Variants in GPR19 observed in about 807,000 individuals in gnomAD.
GPR19 encodes the protein probable G protein-coupled receptor 19.
GPR19 carries 14 observed loss-of-function variants against 28.5 expected under a neutral mutation model. The ratio of observed to expected loss-of-function variants is 0.49; its 90% CI spans 0.32 to 0.77. The LOEUF is 0.77. Among genes scored for constraint, GPR19 ranks in the 30% least tolerant of loss-of-function variants. The probability of loss-of-function intolerance (pLI) is 0.03; values close to 1 mark genes in which losing one functional copy is unlikely to be tolerated. For synonymous variants in GPR19, 173 were observed against 184.1 expected, an observed-to-expected ratio of 0.94 and a Z score of 0.49; for missense variants, 409 against 504.1, an observed-to-expected ratio of 0.81 and a Z score of 1.81.
intron 3 of GPR19, among the ~76,000 whole-genome samples, chr12:12,670,838 G>A (rs1049629423): frequency 6.6e-6 from 1 of 151,350 alleles, no homozygotes; most frequent in African/African-American, 2.4e-5. Flanking sequence ...TTACAACAAT[G>A]TTTTTAAGGG....
At chr12:12,685,357 A>T (rs1946080326) in intron 2 of GPR19, among the ~76,000 whole-genome samples, 1 of 151,782 alleles carries the variant, frequency 6.6e-6, no homozygotes, top group Admixed American at 6.6e-5. Context: ...AACCACAGAA[A>T]CACATAGGAA....
In GPR19 at chr12:12,662,444, A is replaced by G. The variant is rs776250205; in HGVS notation, c.5T>C (p.Val2Ala). The change falls in exon 4 of 4, where the codon GTT (valine) becomes GCT (alanine). Residue 2 changes from valine (V) to alanine (A), a missense_variant. Coordinates refer to ENST00000651487, the MANE Select transcript of GPR19 (RefSeq NM_006143.3). ...GCTGTTATCCATTCTGTGAGCAAAA[A>G]CCATATTCACTTTTTTTCTCTTAAT... M[V>A]FAHRMDNSKP... The G allele has an allele frequency of 3.1e-6, 5 of 1,612,212 alleles. No individual in the cohort carries two copies. The South Asian group carries it at 5.5e-5, about 18-fold the overall frequency.
chr12:12,709,714 T>C, the GPR19 span, among the ~76,000 whole-genome samples: 2 of 152,322 alleles, frequency 1.3e-5, no homozygotes, highest in Non-Finnish European at 2.9e-5. Flanking sequence ...GTTGGGATTA[T>C]GGGCATGAGC....
rs199934623 is a variant in GPR19 at position 12,662,211 on chromosome 12, T to C, written c.238A>G (p.Ile80Val). 160 of 1,614,184 alleles carry C rather than the reference T, an allele frequency of 9.9e-5. No individual in the cohort carries two copies. The East Asian group carries it at 3.2e-3, about 32-fold the overall frequency. The change falls in exon 4 of 4, where the codon ATC becomes GTC. Residue 80 changes from isoleucine to valine, a missense_variant. Transcript: ENST00000651487. ...IFFGILWLFS[I>V]FGNSLVCLVI... The stretch of plus-strand genomic sequence containing the variant: ...AAACAAACCAGGGAATTGCCGAAGA[T>C]AGAAAACAACCACAGAATCCCAAAG...
At chr12:12,693,779 C>T (rs1797618563) in intron 2 of GPR19, among the ~76,000 whole-genome samples, 1 of 151,754 alleles carries the variant, frequency 6.6e-6, no homozygotes, top group East Asian at 1.9e-4. Context: ...CTCGGCTGAC[C>T]GCAACCTCTG....
chr12:12,686,692 G>C (rs1784947593), intron 2 of GPR19, among the ~76,000 whole-genome samples: 1 of 152,166 alleles, frequency 6.6e-6, no homozygotes, highest in South Asian at 2.1e-4. Context: ...TCAGCCTCCA[G>C]AGCAGGCATA....
intron 3 of GPR19, among the ~76,000 whole-genome samples, chr12:12,682,113 C>T (rs556216290): frequency 5.3e-5 from 8 of 152,262 alleles, no homozygotes; most frequent in South Asian, 2.1e-4. Flanking sequence ...ACTGTTTCAA[C>T]GCTGGGAGAT....
chr12:12,691,015 G>A (rs985664855), intron 2 of GPR19, among the ~76,000 whole-genome samples: 1 of 152,136 alleles, frequency 6.6e-6, no homozygotes, highest in Non-Finnish European at 1.5e-5. Flanking sequence ...GAAGTAGTGG[G>A]TTTTGATTGA....
In GPR19 at chr12:12,661,184, A is replaced by G; in HGVS notation, c.*17T>C. On this transcript the variant is annotated 3_prime_UTR_variant, in exon 4 of 4. Transcript: ENST00000651487. This position sits in a 1 kb window ranked among gnomAD's most constrained non-coding sequence, Gnocchi z 4.2. The stretch of plus-strand genomic sequence containing the variant: ...GCTTTTTAATCTCTGGTGCATAACA[A>G]TTGAAAGAATGAGAACTTAGACAAA... 1.9e-6 allele frequency: 3 copies of G among 1,565,088 alleles called. No individual in the cohort carries two copies. Among genetic ancestry groups the G allele is most frequent in the Non-Finnish European group, 2.6e-6 (3 of 1,151,092 alleles).
the GPR19 span, among the ~76,000 whole-genome samples, chr12:12,713,995 C>T: frequency 6.6e-6 from 1 of 152,220 alleles, no homozygotes; most frequent in Admixed American, 6.5e-5. Flanking sequence ...TCTGTCTCCT[C>T]TCCCCTTTTT....
chr12:12,680,901 C>G (rs1470492168), intron 3 of GPR19, among the ~76,000 whole-genome samples: 1 of 152,128 alleles, frequency 6.6e-6, no homozygotes, highest in Non-Finnish European at 1.5e-5. Flanking sequence ...GTTGGCCAGG[C>G]TGGCCTAGAA....
At chr12:12,711,030 G>A in the GPR19 span, among the ~76,000 whole-genome samples, 5 of 152,128 alleles carry the variant, frequency 3.3e-5, no homozygotes, top group African/African-American at 1.2e-4. Flanking sequence ...GTGGGCCGGT[G>A]TGGTAGCTCA....
intron 3 of GPR19, among the ~76,000 whole-genome samples, chr12:12,664,075 C>T (rs1424806769): frequency 2.6e-5 from 4 of 152,132 alleles, no homozygotes; most frequent in Non-Finnish European, 4.4e-5. Flanking sequence ...CTCAATGCAA[C>T]CTCCCCCTCC....
At chr12:12,687,820 C>T (rs376092205) in intron 2 of GPR19, among the ~76,000 whole-genome samples, 1 of 152,138 alleles carries the variant, frequency 6.6e-6, no homozygotes, top group Non-Finnish European at 1.5e-5. Context: ...TTACCAGGCA[C>T]GGTGGCATGT....
rs1566133986 is a variant in GPR19, at chr12:12,662,456, T to C, written c.-8A>G. The C allele has an allele frequency of 1.2e-6, 2 of 1,611,088 alleles. No individual in the cohort carries two copies. Among genetic ancestry groups the C allele is most frequent in the Non-Finnish European group, 1.7e-6 (2 of 1,178,122 alleles). ...TCTGTGAGCAAAAACCATATTCACT[T>C]TTTTTCTCTTAATTCTGGTTGGGGA... On this transcript the variant is annotated 5_prime_UTR_variant, in exon 4 of 4. Transcript: ENST00000651487.
At chr12:12,702,902 G>C in the GPR19 span, among the ~76,000 whole-genome samples, 2 of 152,184 alleles carry the variant, frequency 1.3e-5, no homozygotes, top group Admixed American at 6.5e-5. Context: ...CATCATGACT[G>C]ATAAACTGAA....
the GPR19 span, chr12:12,717,099 G>A: frequency 9.9e-7 from 1 of 1,012,120 alleles, no homozygotes; most frequent in Non-Finnish European, 1.2e-6. Flanking sequence ...GTTCCCGGCC[G>A]TTTGGCTAGT....
chr12:12,680,957 G>C (rs1263986648), intron 3 of GPR19, among the ~76,000 whole-genome samples: 3 of 152,194 alleles, frequency 2.0e-5, no homozygotes, highest in Non-Finnish European at 4.4e-5. Context: ...CCAAACAGCT[G>C]GGATTACAGG....
At chr12:12,688,971 T>G (rs1313704299) in intron 2 of GPR19, 2 of 152,248 alleles carry the variant, frequency 1.3e-5, no homozygotes, top group African/African-American at 4.8e-5. Flanking sequence ...CTGGGTAATT[T>G]ATAAAGAAAA....
Sources: gnomAD v4.1 joint callset for allele counts (sites outside exome capture counted in the v4.1 genomes callset) on GRCh38, gnomAD v4.1.1 for gene constraint, Gnocchi (gnomAD v3.1) non-coding constraint, MANE v1.5 for transcripts, NCBI Gene and HGNC (gene_info 2026-07-23, HGNC 2026-07-21) for gene names.